The following TGM2 variants were observed in gnomAD, a reference collection of about 807,000 sequenced individuals.
TGM2 encodes transglutaminase 2, also known as protein-glutamine gamma-glutamyltransferase 2.
In TGM2, 53 loss-of-function variants were observed where a neutral mutation model predicts 75.6. The observed-to-expected ratio is 0.70, with a 90% CI of 0.56 to 0.88. The LOEUF is 0.88. TGM2 is among the 40% of genes least tolerant of loss of function. The pLI, the probability that TGM2 is intolerant of heterozygous loss-of-function variation, is 0.00. For synonymous variants in TGM2, 374 were observed against 381.1 expected, an observed-to-expected ratio of 0.98 and a Z score of 0.22; for missense variants, 842 against 928.5, an observed-to-expected ratio of 0.91 and a Z score of 1.21.
At chr20:38,151,791 T>C (rs2075118324) in intron 3 of TGM2, among the ~76,000 whole-genome samples, 1 of 152,168 alleles carries the variant, frequency 6.6e-6, no homozygotes, top group Non-Finnish European at 1.5e-5. Flanking sequence ...GAGGGTAGCA[T>C]TCTAAGCAGA....
intron 3 of TGM2, among the ~76,000 whole-genome samples, chr20:38,153,110 G>T (rs1351491607): frequency 6.6e-6 from 1 of 152,142 alleles, no homozygotes. Flanking sequence ...ATGAAGCAAG[G>T]GTGCTCGTTG....
Position 38,155,840 on chromosome 20 carries a change from G to A in TGM2, c.433+7C>T, listed in dbSNP as rs753880671. 3 of 1,594,846 alleles carry A rather than the reference G, an allele frequency of 1.9e-6. No individual in the cohort carries two copies. In the South Asian group the frequency reaches 3.4e-5, roughly 18 times the overall value. On this transcript the variant is annotated splice_region_variant and intron_variant, in intron 3 of 12. Transcript: ENST00000361475. Reference sequence around the variant, plus strand: ...CCAACGCTGTGAGTGGATGGCGTGTGGCTCACCTGGGCACCAGGCGTTGAA... The same window carrying A: ...CCAACGCTGTGAGTGGATGGCGTGTAGCTCACCTGGGCACCAGGCGTTGAA...
intron 8 of TGM2, among the ~76,000 whole-genome samples, chr20:38,140,546 C>T (rs946668495): frequency 2.0e-5 from 3 of 152,140 alleles, no homozygotes; most frequent in African/African-American, 7.2e-5. Context: ...CAGGAAATGA[C>T]CATAGCAGCC....
intron 2 of TGM2, among the ~76,000 whole-genome samples, chr20:38,160,475 T>C (rs2075240449): frequency 6.6e-6 from 1 of 152,160 alleles, no homozygotes; most frequent in Admixed American, 6.5e-5. Context: ...CTGCAGGCCC[T>C]CCCCCATAGC....
At chr20:38,142,827 T>C (rs757711041) in intron 6 of TGM2, among the ~76,000 whole-genome samples, 23 of 152,350 alleles carry the variant, frequency 1.5e-4, no homozygotes, top group Non-Finnish European at 2.2e-4. Context: ...CTGCAGGGTC[T>C]GGCCCCTGAA....
rs752070466 is a variant in TGM2 at position 38,147,996 on chromosome 20, T to C, written c.646A>G (p.Ser216Gly). The C allele has an allele frequency of 1.2e-6, 2 of 1,613,434 alleles. No individual in the cohort carries two copies. Among genetic ancestry groups the C allele is most frequent in the Non-Finnish European group, 1.7e-6 (2 of 1,179,940 alleles). The change falls in exon 5 of 13, where the codon AGC becomes GGC. Residue 216 changes from serine (S) to glycine (G), a missense_variant. By Grantham distance (56) the Ser-to-Gly change is moderately conservative (BLOSUM62 0). Transcript: ENST00000361475. ...NAGRDCSRRS[S>G]PVYVGRVVSG... Reference sequence around the variant, plus strand: ...ACCACCCGGCCCACGTAGACGGGGCTGCTGCGGCGGGAGCAGTCACGGCCG... The same window carrying C: ...ACCACCCGGCCCACGTAGACGGGGCCGCTGCGGCGGGAGCAGTCACGGCCG...
chr20:38,152,151 T>G (rs2075122134), intron 3 of TGM2, among the ~76,000 whole-genome samples: 1 of 152,238 alleles, frequency 6.6e-6, no homozygotes, highest in Non-Finnish European at 1.5e-5. Context: ...TTTTTTCTCC[T>G]GATTTTAAAT....
In TGM2 at chr20:38,161,672, T is replaced by A. The variant is rs182155958; in HGVS notation, c.11-73A>T. The A allele has an allele frequency of 9.6e-4, 1,489 of 1,556,146 alleles. 1 individual carries two copies. Among genetic ancestry groups the A allele is most frequent in the Non-Finnish European group, 1.2e-3 (1,401 of 1,129,632 alleles). On this transcript the variant is annotated intron_variant, in intron 1 of 12. Coordinates refer to ENST00000361475, the MANE Select transcript of TGM2 (RefSeq NM_004613.4). ...CCTCCAGTGATGCACCTGCCCTCCC[T>A]AGACATGGGGGCCTTGTGCCCTCTT...
At chr20:38,141,421 A>G (rs1331020793) in intron 7 of TGM2, 36 bp from the exon 8 acceptor site, 1 of 1,467,304 alleles carries the variant, frequency 6.8e-7, no homozygotes, top group East Asian at 2.4e-5. Context: ...GAAGCAGAAC[A>G]TGAGCAACAT....
chr20:38,136,640 C>T (rs1164594832), intron 10 of TGM2, among the ~76,000 whole-genome samples: 4 of 152,162 alleles, frequency 2.6e-5, no homozygotes, highest in African/African-American at 9.7e-5. Context: ...TTCCACTGCC[C>T]CTCAGAGGAT....
chr20:38,161,268 T>C, intron 2 of TGM2, 152 bp downstream of exon 2: 1 of 1,085,310 alleles, frequency 9.2e-7, no homozygotes, highest in African/African-American at 1.6e-5. Context: ...CCCTCATCTC[T>C]AAAATGGGGC....
At chr20:38,151,170 C>T in intron 3 of TGM2, 113 bp from the exon 4 acceptor site, 1 of 776,184 alleles carries the variant, frequency 1.3e-6, no homozygotes, top group Non-Finnish European at 2.3e-6. Flanking sequence ...CTCAGGGATC[C>T]ATCCTTCTTT....
chr20:38,140,439 A>G (rs1046897457), intron 8 of TGM2, among the ~76,000 whole-genome samples: 19 of 152,324 alleles, frequency 1.2e-4, no homozygotes, highest in African/African-American at 4.1e-4. Context: ...GGATCCCCCC[A>G]AGGCACTACC....
chr20:38,144,145 G>T (rs1396871893), intron 6 of TGM2, among the ~76,000 whole-genome samples: 1 of 152,184 alleles, frequency 6.6e-6, no homozygotes, highest in African/African-American at 2.4e-5. Flanking sequence ...TGCCCCAGGG[G>T]TGGTGTCCCG....
intron 1 of TGM2, among the ~76,000 whole-genome samples, chr20:38,163,135 A>T (rs904801747): frequency 2.6e-5 from 4 of 152,238 alleles, no homozygotes; most frequent in African/African-American, 9.6e-5. Context: ...GCAGAGGACC[A>T]GGGCACGGTC....
intron 10 of TGM2, among the ~76,000 whole-genome samples, chr20:38,137,132 C>T (rs45485794): frequency 0.011 from 1,668 of 152,342 alleles, 30 homozygotes; most frequent in African/African-American, 0.038. Flanking sequence ...CGCCGATCTG[C>T]TCTGCCCAAC....
At chr20:38,138,440 G>A in intron 9 of TGM2, 55 bp from the exon 10 acceptor site, 8 of 1,611,216 alleles carry the variant, frequency 5.0e-6, no homozygotes, top group Non-Finnish European at 6.8e-6. Context: ...CACAGGAAGG[G>A]GGCTGCAACA....
At chr20:38,141,865 C>T (rs2074979343) in intron 7 of TGM2, among the ~76,000 whole-genome samples, 199 bp downstream of exon 7, 1 of 152,112 alleles carries the variant, frequency 6.6e-6, no homozygotes, top group Admixed American at 6.5e-5. Flanking sequence ...CTCCCGACAA[C>T]ATTTGCAGCA....
intron 8 of TGM2, among the ~76,000 whole-genome samples, chr20:38,140,423 GC>G (rs1190944125): frequency 2.6e-5 from 4 of 152,194 alleles, no homozygotes; most frequent in Non-Finnish European, 5.9e-5. Context: ...TTAAACCAGG[GC>G]CCACGGATCC....
Sources: gnomAD v4.1 joint callset for allele counts (sites outside exome capture counted in the v4.1 genomes callset) on GRCh38, gnomAD v4.1.1 for gene constraint, MANE v1.5 for transcripts, NCBI Gene and HGNC (gene_info 2026-07-23, HGNC 2026-07-21) for gene names.